Variants in CLCN1 observed in about 807,000 individuals in gnomAD.
CLCN1 encodes the protein chloride voltage-gated channel 1, also known as chloride channel protein 1.
CLCN1 carries 100 observed loss-of-function variants against 114.5 expected under a neutral mutation model. The ratio of observed to expected loss-of-function variants is 0.87; its 90% CI spans 0.74 to 1.03. The LOEUF (loss-of-function observed/expected upper bound fraction) is 1.03. Ranked by LOEUF, CLCN1 falls within the 50% of genes least tolerant of loss-of-function variation. CLCN1 has a pLI of 0.00. For missense variants in CLCN1, 1,188 were observed against 1,250.0 expected (o/e 0.95, Z 0.75); for synonymous variants, 485 against 487.1 (o/e 1.00, Z 0.06).
chr7:143,320,027 C>A, intron 2 of CLCN1, 152 bp downstream of exon 2: 3 of 813,484 alleles, frequency 3.7e-6, no homozygotes, highest in Non-Finnish European at 6.1e-6. Flanking sequence ...CTCACTCTGT[C>A]ATTCAGACTG....
Position 143,324,325 on chromosome 7 carries a change from G to A in CLCN1, c.775-89G>A. The A allele has an allele frequency of 2.2e-6, 2 of 925,854 alleles. No individual in the cohort carries two copies. The highest frequency in any genetic ancestry group is 2.4e-5 in the East Asian group (1 of 41,766). The allele number at this position is 925,854 out of a possible 1,614,324, so 57.4% of individuals were successfully genotyped here. On this transcript the variant is annotated intron_variant, in intron 6 of 22. Transcript: ENST00000343257. This position sits in a 1 kb window ranked among gnomAD's most constrained non-coding sequence, Gnocchi z 4.6. ...CCTTTTGACTTAGGCCTCTCATTCT[G>A]CCTTATTCCCCATCCCTGCTTGTTC...
intron 6 of CLCN1, chr7:143,323,760 C>T (rs775544471): frequency 2.8e-4 from 138 of 485,780 alleles, no homozygotes; most frequent in Non-Finnish European, 5.3e-4. Context: ...CTACCTCTTA[C>T]ATACGTCCCG....
At position 143,330,825 on chromosome 7, in the gene CLCN1, T is replaced by C; in HGVS notation, c.907T>C (p.Trp303Arg). ...TSTYFAVRNYWRGFFAATFSA... is the reference protein window; with the variant it reads ...TSTYFAVRNYRRGFFAATFSA... ...CACCTACTTTGCTGTTCGGAACTAC[T>C]GGAGAGGATTCTTTGCAGCCACGTT... The change falls in exon 8 of 23, where the codon TGG (tryptophan) becomes CGG (arginine). Residue 303 changes from tryptophan (W) to arginine (R), a missense_variant. Physicochemically the swap from Trp to Arg is moderately radical, Grantham distance 101. Coordinates refer to ENST00000343257, the MANE Select transcript of CLCN1 (RefSeq NM_000083.3). 5 of 1,614,200 alleles carry C rather than the reference T, an allele frequency of 3.1e-6. No individual in the cohort carries two copies. Among genetic ancestry groups the C allele is most frequent in the Non-Finnish European group, 3.4e-6 (4 of 1,180,040 alleles).
intron 16 of CLCN1, 127 bp from the exon 17 acceptor site, chr7:143,345,394 G>T: frequency 8.2e-7 from 1 of 1,218,170 alleles, no homozygotes; most frequent in Non-Finnish European, 1.1e-6. Context: ...GAGTTTCCAG[G>T]AAGCTGAGAA....
At position 143,345,759 on chromosome 7, in the gene CLCN1, C is replaced by A. The variant is rs764810133; in HGVS notation, c.2169C>A (p.Ser723Arg). 2 of 1,603,140 alleles carry A rather than the reference C, an allele frequency of 1.2e-6. No individual in the cohort carries two copies. Among genetic ancestry groups the A allele is most frequent in the East Asian group, 4.5e-5 (2 of 44,584 alleles). Residue 723 changes from serine to arginine, a missense_variant, in exon 17 of 23, where the codon AGC becomes AGA. Transcript: ENST00000343257. ...EDEDEDLSGK[S>R]ELPPSLALHP... ...AGGACGAAGACCTCTCTGGCAAGAG[C>A]GAGGTGACCGCGCCGGGAAGGGCTA... is the stretch of plus-strand genomic sequence containing the variant.
chr7:143,345,856 T>C (rs1205776573), intron 17 of CLCN1, 94 bp downstream of exon 17: 2 of 1,506,942 alleles, frequency 1.3e-6, no homozygotes, highest in Non-Finnish European at 1.8e-6. Flanking sequence ...GGGACAGGCG[T>C]AGTTTCCCTG....
At chr7:143,332,270 A>G in intron 10 of CLCN1, 149 bp from the exon 11 acceptor site, 1 of 768,896 alleles carries the variant, frequency 1.3e-6, no homozygotes, top group Non-Finnish European at 2.3e-6. Context: ...ACTCGGCCTC[A>G]AATATTGGTT....
intron 16 of CLCN1, among the ~76,000 whole-genome samples, chr7:143,344,439 T>C (rs1490869564): frequency 1.3e-5 from 2 of 152,224 alleles, no homozygotes; most frequent in African/African-American, 4.8e-5. Flanking sequence ...TTAAGATTGT[T>C]AGTTCTGATT....
At position 143,339,199 on chromosome 7, in the gene CLCN1, G is replaced by A; in HGVS notation, c.1402-54G>A. On this transcript the variant is annotated intron_variant, in intron 12 of 22. Transcript: ENST00000343257. The surrounding 1 kb of genome is among the most constrained non-coding windows in gnomAD (Gnocchi z 4.1). ...GGATAGTGGGAAGGGAATTGTGTGT[G>A]CATGTCTATTGGGCAGAGTTGAAAG... The A allele has an allele frequency of 9.1e-7, 1 of 1,103,832 alleles. No individual in the cohort carries two copies. Among genetic ancestry groups the A allele is most frequent in the South Asian group, 1.2e-5 (1 of 80,890 alleles). The allele number at this position is 1,103,832 out of a possible 1,614,324, so 68.4% of individuals were successfully genotyped here. A position where few individuals can be genotyped will look rare whatever the true frequency, so the allele number is the denominator to read the frequency against.
At position 143,321,461 on chromosome 7, in the gene CLCN1, T is replaced by C; in HGVS notation, c.530T>C (p.Leu177Pro). 6.2e-7 allele frequency: 1 copy of C among 1,614,118 alleles called. No homozygotes were observed. The highest frequency in any genetic ancestry group is 8.5e-7 in the Non-Finnish European group (1 of 1,180,016). ...FPLVLILFSA[L>P]FCHLISPQAV... ...CTAGTCCTCATCCTCTTCAGCGCCC[T>C]CTTCTGCCACCTCATCTCTCCCCAG... Residue 177 changes from leucine to proline, a missense_variant, in exon 4 of 23, where the codon CTC (leucine) becomes CCC (proline). Transcript: ENST00000343257. This position sits in a 1 kb window ranked among gnomAD's most constrained non-coding sequence, Gnocchi z 4.2.
intron 2 of CLCN1, 111 bp from the exon 3 acceptor site, chr7:143,320,553 T>TTTTCTCTCTCTC: frequency 1.5e-6 from 1 of 672,512 alleles, no homozygotes; most frequent in Non-Finnish European, 2.4e-6. Context: ...TTAGCTGCTT[T>TTTTCTCTCTCTC]TCTCTCTCTC....
chr7:143,340,362 C>T (rs1803044950), intron 14 of CLCN1, among the ~76,000 whole-genome samples: 1 of 152,174 alleles, frequency 6.6e-6, no homozygotes, highest in African/African-American at 2.4e-5. Flanking sequence ...ACACATGCCT[C>T]CCTTGTGAAC....
chr7:143,322,025 C>T (rs1802453890), intron 5 of CLCN1, among the ~76,000 whole-genome samples, 177 bp downstream of exon 5: 1 of 152,256 alleles, frequency 6.6e-6, no homozygotes, highest in Non-Finnish European at 1.5e-5. Context: ...GGTCCAATGA[C>T]AAAAACCACA....
Position 143,321,287 on chromosome 7 carries a change from T to C in CLCN1, c.434-78T>C. ...ACAGAAGGAGCACGGCCTGAGAACA[T>C]GCCGGGTACACGTCCTGGTGCCGTG... On this transcript the variant is annotated intron_variant, in intron 3 of 22. Coordinates refer to ENST00000343257, the MANE Select transcript of CLCN1 (RefSeq NM_000083.3). The surrounding 1 kb of genome is among the most constrained non-coding windows in gnomAD (Gnocchi z 4.2). 6.4e-7 allele frequency: 1 copy of C among 1,555,152 alleles called. No individual in the cohort carries two copies. The highest frequency in any genetic ancestry group is 8.8e-7 in the Non-Finnish European group (1 of 1,135,828).
chr7:143,334,653 A>G (rs1802823244), intron 12 of CLCN1, among the ~76,000 whole-genome samples: 1 of 152,192 alleles, frequency 6.6e-6, no homozygotes. Context: ...AAGACTAGAG[A>G]CAGCAGATAC....
At chr7:143,343,195 C>T (rs998004695) in intron 16 of CLCN1, among the ~76,000 whole-genome samples, 1 of 152,174 alleles carries the variant, frequency 6.6e-6, no homozygotes, top group African/African-American at 2.4e-5. Flanking sequence ...CACTATAACC[C>T]TTGCCTGAAT....
At chr7:143,345,793 G>C in intron 17 of CLCN1, 31 bp downstream of exon 17, 1 of 1,562,164 alleles carries the variant, frequency 6.4e-7, no homozygotes, top group Non-Finnish European at 8.7e-7. Flanking sequence ...TAGGGAGTGG[G>C]ATAGATCAGG....
chr7:143,342,823 C>G (rs1004145518), intron 16 of CLCN1, among the ~76,000 whole-genome samples: 1 of 151,946 alleles, frequency 6.6e-6, no homozygotes, highest in African/African-American at 2.4e-5. Context: ...ACAAAATTAG[C>G]TAGGTGTGGT....
At chr7:143,332,311 A>C (rs1396266465) in intron 10 of CLCN1, 108 bp from the exon 11 acceptor site, 5 of 881,894 alleles carry the variant, frequency 5.7e-6, no homozygotes, top group African/African-American at 1.6e-5. Context: ...TTTCATTTAA[A>C]GAAATGAGAC....
Sources: allele counts gnomAD v4.1 joint callset (sites outside exome capture counted in the v4.1 genomes callset), GRCh38; gene constraint gnomAD v4.1.1; non-coding constraint Gnocchi (gnomAD v3.1); transcripts MANE v1.5; gene names NCBI Gene and HGNC (gene_info 2026-07-23, HGNC 2026-07-21).